Variants in PTPRK observed in about 807,000 individuals in gnomAD.
The protein encoded by PTPRK is receptor-type tyrosine-protein phosphatase kappa.
In PTPRK, 75 loss-of-function variants were observed where a neutral mutation model predicts 178.0. The ratio of observed to expected loss-of-function variants is 0.42; its 90% CI spans 0.35 to 0.51. PTPRK has a LOEUF of 0.51. Ranked by LOEUF, PTPRK falls within the 20% of genes least tolerant of loss-of-function variation. The pLI, the probability that PTPRK is intolerant of heterozygous loss-of-function variation, is 0.02. For missense variants in PTPRK, 1,441 were observed against 1,797.8 expected (o/e 0.80, Z 3.59); for synonymous variants, 637 against 620.6 (o/e 1.03, Z -0.39).
At chr6:128,472,181 C>T (rs9482886) in intron 1 of PTPRK, among the ~76,000 whole-genome samples, 22,241 of 152,082 alleles carry the variant, frequency 0.15, 1,845 homozygotes, top group Non-Finnish European at 0.19. Flanking sequence ...TGAGCTTTTG[C>T]TTCTAATTCT....
intron 1 of PTPRK, chr6:128,491,722 C>A (rs1418343371): frequency 6.1e-6 from 3 of 490,688 alleles, no homozygotes; most frequent in African/African-American, 2.0e-5. Context: ...CATTTTTTTT[C>A]TCTTGTTACC....
Position 128,199,573 on chromosome 6 carries a change from AAGGGAGGGAGGG to A in PTPRK, c.869-14860_869-14849del, listed in dbSNP as rs67322703. 6.0e-3 allele frequency among the ~76,000 whole-genome samples: 777 copies of A among 130,302 alleles called. 7 individuals are homozygous for A. Among genetic ancestry groups the A allele is most frequent in the African/African-American group, 0.022 (742 of 33,594 alleles). 85.5% of individuals were successfully genotyped at this position (130,302 alleles called of 152,430 possible). A position where few individuals can be genotyped will look rare whatever the true frequency, so the allele number is the denominator to read the frequency against. ...TATGCCTACAATATATCAAGGAAGG[AAGGGAGGGAGGG>A]AGGGAGGGAGGGAGGGAAAGGGTAG... On this transcript the variant is annotated intron_variant, in intron 6 of 29. Transcript: ENST00000368226.
chr6:127,971,684 T>C (rs1773914722), intron 29 of PTPRK, among the ~76,000 whole-genome samples: 2 of 152,128 alleles, frequency 1.3e-5, no homozygotes, highest in Non-Finnish European at 1.5e-5. Flanking sequence ...TAGTAACTTT[T>C]TGGAAGGTCC....
chr6:128,053,580 AC>A (rs1779413900), intron 13 of PTPRK, among the ~76,000 whole-genome samples: 1 of 151,946 alleles, frequency 6.6e-6, no homozygotes, highest in Non-Finnish European at 1.5e-5. Context: ...TGTTCTACTC[AC>A]CCTAGTTGGG....
rs1161876837 is a variant in PTPRK, at chr6:128,451,805, A to C, written c.101-54117T>G. Among the ~76,000 whole-genome samples the C allele has an allele frequency of 3.3e-5, 5 of 152,316 alleles. No individual in the cohort carries two copies. The East Asian group carries it at 9.6e-4, about 29-fold the overall frequency. The stretch of plus-strand genomic sequence containing the variant: ...ACCTAAGTTATTTTAGACTGTCAGT[A>C]ACAATTTTAGGAGCATAAATGGGTA... On this transcript the variant is annotated intron_variant, in intron 1 of 29. Transcript: ENST00000368226.
chr6:128,358,089 CT>C (rs1308365382), intron 2 of PTPRK, among the ~76,000 whole-genome samples: 3 of 152,314 alleles, frequency 2.0e-5, no homozygotes, highest in Admixed American at 6.5e-5. Context: ...AGTTTTATAA[CT>C]TTAATACTAA....
chr6:128,343,841 A>T (rs1220426661), intron 2 of PTPRK, among the ~76,000 whole-genome samples: 2 of 152,228 alleles, frequency 1.3e-5, no homozygotes, highest in African/African-American at 4.8e-5. Context: ...TGAAATAAAC[A>T]CGACAGATCT....
intron 1 of PTPRK, among the ~76,000 whole-genome samples, chr6:128,407,152 T>C (rs949411207): frequency 6.6e-6 from 1 of 152,190 alleles, no homozygotes; most frequent in African/African-American, 2.4e-5. Context: ...TACATTTAAG[T>C]CATCATTAGT....
chr6:128,446,466 T>C (rs900504664), intron 1 of PTPRK, among the ~76,000 whole-genome samples: 2 of 152,214 alleles, frequency 1.3e-5, no homozygotes, highest in Admixed American at 1.3e-4. Context: ...CACTTCAAAA[T>C]GTAGAATAAT....
intron 1 of PTPRK, among the ~76,000 whole-genome samples, chr6:128,510,130 T>C (rs1461067833): frequency 1.3e-5 from 2 of 152,186 alleles, no homozygotes; most frequent in Non-Finnish European, 2.9e-5. Context: ...GGAAGCATGA[T>C]GAAGTCAGTA....
At chr6:128,502,285 A>G (rs1362416471) in intron 1 of PTPRK, among the ~76,000 whole-genome samples, 3 of 152,222 alleles carry the variant, frequency 2.0e-5, no homozygotes, top group Non-Finnish European at 2.9e-5. Flanking sequence ...TCAATCCTGT[A>G]TAGTGGGGAA....
intron 3 of PTPRK, among the ~76,000 whole-genome samples, chr6:128,262,379 T>C (rs1174905248): frequency 6.6e-6 from 1 of 152,202 alleles, no homozygotes; most frequent in Non-Finnish European, 1.5e-5. Context: ...ACTTAATATG[T>C]AATCATTGAT....
chr6:128,304,176 C>G lies in PTPRK; in HGVS notation c.495+17863G>C, dbSNP rs116417275. Among the ~76,000 whole-genome samples, 168 of 152,330 alleles carry G rather than the reference C, an allele frequency of 1.1e-3. 1 individual carries two copies. The highest frequency in any genetic ancestry group is 3.8e-3 in the African/African-American group (159 of 41,566). ...GACATAAGACCTCTTTCCACATAGTCTTGCCAAGCAAAACCTAAGTATACT... is the reference window on the plus strand; with the variant it reads ...GACATAAGACCTCTTTCCACATAGTGTTGCCAAGCAAAACCTAAGTATACT... On this transcript the variant is annotated intron_variant, in intron 3 of 29. Transcript: ENST00000368226.
intron 3 of PTPRK, among the ~76,000 whole-genome samples, chr6:128,296,319 C>T (rs1824368741): frequency 6.6e-6 from 1 of 151,996 alleles, no homozygotes; most frequent in South Asian, 2.1e-4. Flanking sequence ...ACTCAGACTA[C>T]TCAATTCCAA....
intron 13 of PTPRK, among the ~76,000 whole-genome samples, chr6:128,012,334 A>C (rs890656539): frequency 4.0e-5 from 6 of 151,308 alleles, no homozygotes; most frequent in South Asian, 2.1e-4. Flanking sequence ...CAAGCTTAGA[A>C]GATTCATTAA....
intron 1 of PTPRK, among the ~76,000 whole-genome samples, chr6:128,470,259 C>CATATATATATATATATAT (rs34303350): frequency 8.1e-5 from 12 of 147,808 alleles, no homozygotes; most frequent in African/African-American, 3.0e-4. Context: ...TCTCAGTTTT[C>CATATATATATATATATAT]ATATATATAT....
chr6:128,388,300 A>G (rs1839057996), intron 2 of PTPRK, among the ~76,000 whole-genome samples: 1 of 152,198 alleles, frequency 6.6e-6, no homozygotes, highest in South Asian at 2.1e-4. Flanking sequence ...ATAGCCATAG[A>G]TTTTAGACCT....
At chr6:128,319,197 A>C (rs952024008) in intron 3 of PTPRK, among the ~76,000 whole-genome samples, 16 of 152,152 alleles carry the variant, frequency 1.1e-4, no homozygotes, top group Admixed American at 2.0e-4. Context: ...TCTACTTGAA[A>C]TTACTTCAGA....
chr6:128,260,313 T>C (rs1447478473), intron 3 of PTPRK, among the ~76,000 whole-genome samples: 4 of 152,252 alleles, frequency 2.6e-5, no homozygotes, highest in Admixed American at 6.6e-5. Flanking sequence ...AGAAGTGGTT[T>C]GTGGGAGACC....
Sources: gnomAD v4.1 joint callset for allele counts (sites outside exome capture counted in the v4.1 genomes callset) on GRCh38, gnomAD v4.1.1 for gene constraint, MANE v1.5 for transcripts, NCBI Gene and HGNC (gene_info 2026-07-23, HGNC 2026-07-21) for gene names.